APPL1: variants seen among roughly 807,000 people sequenced by gnomAD.
APPL1 encodes adaptor protein, phosphotyrosine interacting with PH domain and leucine zipper 1.
APPL1 carries 42 observed loss-of-function variants against 106.8 expected under a neutral mutation model. That is an observed-to-expected ratio of 0.39 (90% confidence interval 0.31 to 0.51). The LOEUF (loss-of-function observed/expected upper bound fraction) is 0.51. APPL1 is among the 20% of genes least tolerant of loss of function. The pLI is 0.75. For missense variants in APPL1, 769 were observed against 858.2 expected (o/e 0.90, Z 1.30); for synonymous variants, 263 against 281.8 (o/e 0.93, Z 0.67).
In APPL1 at chr3:57,272,419, A is replaced by G. The variant is rs537728258; in HGVS notation, c.*2732A>G. 2.6e-5 allele frequency: 4 copies of G among 152,304 alleles called. No homozygotes were observed. Among genetic ancestry groups the G allele is most frequent in the Non-Finnish European group, 5.9e-5 (4 of 68,020 alleles). The allele number at this position is 152,304 out of a possible 1,614,324, so 9.4% of individuals were successfully genotyped here. Reference sequence around the variant, plus strand: ...TAGGGGTGGTAAATGTGTTTCCACTATACTTGGGAAAAGGTCAGTAGGATG... The same window carrying G: ...TAGGGGTGGTAAATGTGTTTCCACTGTACTTGGGAAAAGGTCAGTAGGATG... On this transcript the variant is annotated 3_prime_UTR_variant, in exon 22 of 22. Transcript: ENST00000288266.
At chr3:57,235,992 A>G (rs1001207118) in intron 2 of APPL1, among the ~76,000 whole-genome samples, 6 of 150,280 alleles carry the variant, frequency 4.0e-5, no homozygotes, top group Non-Finnish European at 8.9e-5. Context: ...CATCACTGGT[A>G]TTTTCCCTAA....
intron 3 of APPL1, among the ~76,000 whole-genome samples, 192 bp from the exon 4 acceptor site, chr3:57,237,853 C>T (rs1400434847): frequency 6.6e-6 from 1 of 152,090 alleles, no homozygotes; most frequent in Non-Finnish European, 1.5e-5. Flanking sequence ...TCCAATATGC[C>T]ATGTCAATTG....
rs2060955668 is a variant in APPL1 at position 57,273,015 on chromosome 3, T to TTACTC, written c.*3330_*3334dup. 1 of 152,668 alleles carries TTACTC rather than the reference T, an allele frequency of 6.6e-6. No individual in the cohort carries two copies. The highest frequency in any genetic ancestry group is 6.5e-5 in the Admixed American group (1 of 15,280). 9.5% of individuals were successfully genotyped at this position (152,668 alleles called of 1,614,324 possible). On this transcript the variant is annotated 3_prime_UTR_variant, in exon 22 of 22. Transcript: ENST00000288266. ...ACCCTTTATTTTTAGCAAGTTTGGT[T>TTACTC]TACTCTTCTCCCATGAGATTTTGTC...
chr3:57,242,208 G>T, intron 6 of APPL1, 66 bp downstream of exon 6: 1 of 1,207,458 alleles, frequency 8.3e-7, no homozygotes, highest in Non-Finnish European at 1.2e-6. Flanking sequence ...GCATATCTGT[G>T]GCCAGATTCT....
chr3:57,267,068 C>T (rs2060898296), intron 19 of APPL1, among the ~76,000 whole-genome samples: 1 of 152,112 alleles, frequency 6.6e-6, no homozygotes, highest in African/African-American at 2.4e-5. Context: ...ATTGCTTTGG[C>T]TATTTGCATT....
Position 57,267,820 on chromosome 3 carries a change from A to G in APPL1, c.1893+28A>G, listed in dbSNP as rs1474095489. On this transcript the variant is annotated intron_variant, in intron 20 of 21. Transcript: ENST00000288266. ...AAGAATCCAAGATGTGGCTGGGCACAGTGGTTCACACCTGTAATCGCAGCA... is the reference window on the plus strand; with the variant it reads ...AAGAATCCAAGATGTGGCTGGGCACGGTGGTTCACACCTGTAATCGCAGCA... 8 of 1,611,604 alleles carry G rather than the reference A, an allele frequency of 5.0e-6. No homozygotes were observed. In the African/African-American group the frequency reaches 5.3e-5, roughly 11 times the overall value.
rs1386839723 is a variant in APPL1 at position 57,271,343 on chromosome 3, A to AAAACATACAG, written c.*1657_*1666dup. 6.6e-6 allele frequency: 1 copy of AAAACATACAG among 152,646 alleles called. No homozygotes were observed. Among genetic ancestry groups the AAAACATACAG allele is most frequent in the Non-Finnish European group, 1.5e-5 (1 of 68,042 alleles). 9.5% of individuals were successfully genotyped at this position (152,646 alleles called of 1,614,324 possible). Reference sequence around the variant, plus strand: ...TTATTTACTGATGCTTTATGTTACCAAAACATACAGTAAAAAAGTAGAAAT... The same window carrying AAAACATACAG: ...TTATTTACTGATGCTTTATGTTACCAAAACATACAGAAACATACAGTAAAAAAGTAGAAAT... On this transcript the variant is annotated 3_prime_UTR_variant, in exon 22 of 22. Transcript: ENST00000288266.
At chr3:57,269,261 G>C (rs941949256) in intron 21 of APPL1, 9 of 314,368 alleles carry the variant, frequency 2.9e-5, no homozygotes, top group Admixed American at 4.5e-5. Context: ...ATAATATATA[G>C]TGAGAGATGA....
Position 57,272,301 on chromosome 3 carries a change from T to TATC in APPL1, c.*2615_*2617dup, listed in dbSNP as rs1383754999. ...CTTGCCAACCAGGGATTAAAGCTATTATCTTGAACAGAGTCCCTAAAGCTA... is the reference window on the plus strand; with the variant it reads ...CTTGCCAACCAGGGATTAAAGCTATTATCATCTTGAACAGAGTCCCTAAAGCTA... On this transcript the variant is annotated 3_prime_UTR_variant, in exon 22 of 22. Coordinates refer to ENST00000288266, the MANE Select transcript of APPL1 (RefSeq NM_012096.3). The TATC allele has an allele frequency of 8.5e-5, 13 of 152,322 alleles. 1 individual carries two copies. Among genetic ancestry groups the TATC allele is most frequent in the Admixed American group, 2.6e-4 (4 of 15,304 alleles). 9.4% of individuals were successfully genotyped at this position (152,322 alleles called of 1,614,324 possible).
intron 2 of APPL1, 93 bp from the exon 3 acceptor site, chr3:57,237,399 A>G: frequency 1.2e-6 from 1 of 861,052 alleles, no homozygotes; most frequent in Non-Finnish European, 1.8e-6. Context: ...TACAATATTT[A>G]TGTTAAGTGA....
intron 13 of APPL1, 78 bp from the exon 14 acceptor site, chr3:57,256,879 A>C (rs1010548229): frequency 3.0e-5 from 34 of 1,120,888 alleles, no homozygotes; most frequent in Admixed American, 3.6e-5. Context: ...GAAGCATTCT[A>C]ACAATTCAGA....
rs1329295989 is a variant in APPL1, at chr3:57,270,079, A to T, written c.*392A>T. 6.4e-6 allele frequency: 1 copy of T among 155,972 alleles called. No homozygotes were observed. The highest frequency in any genetic ancestry group is 1.4e-5 in the Non-Finnish European group (1 of 70,330). 9.7% of individuals were successfully genotyped at this position (155,972 alleles called of 1,614,324 possible). A position where few individuals can be genotyped will look rare whatever the true frequency, so the allele number is the denominator to read the frequency against. ...TGGATATGCTTTTCTTTCATTAGGA[A>T]CATTTTGCTGGTGATGAGGAAGCAT... On this transcript the variant is annotated 3_prime_UTR_variant, in exon 22 of 22. Transcript: ENST00000288266.
rs977279844 is a variant in APPL1 at position 57,227,878 on chromosome 3, G to A, written c.-6G>A. 6.8e-6 allele frequency: 10 copies of A among 1,463,530 alleles called. No homozygotes were observed. Among genetic ancestry groups the A allele is most frequent in the Non-Finnish European group, 9.0e-6 (10 of 1,105,302 alleles). 90.7% of individuals were successfully genotyped at this position (1,463,530 alleles called of 1,614,324 possible). The stretch of plus-strand genomic sequence containing the variant: ...CGTCTCCTGCCACCGCCCTCCCTCC[G>A]CCACGATGCCGGGGATCGACAAGCT... On this transcript the variant is annotated 5_prime_UTR_variant, in exon 1 of 22. Transcript: ENST00000288266.
At chr3:57,230,252 C>A (rs2060679922) in intron 1 of APPL1, among the ~76,000 whole-genome samples, 1 of 152,174 alleles carries the variant, frequency 6.6e-6, no homozygotes, top group African/African-American at 2.4e-5. Context: ...TGCTTTAGGG[C>A]AAATCATTCA....
At chr3:57,252,462 T>C in intron 12 of APPL1, 151 bp downstream of exon 12, 1 of 608,420 alleles carries the variant, frequency 1.6e-6, no homozygotes, top group Admixed American at 3.3e-5. Context: ...TAAAAGTCTA[T>C]TGTCCTCGAG....
At position 57,246,102 on chromosome 3, in the gene APPL1, G is replaced by A; in HGVS notation, c.501G>A (p.Val167=). The change falls in exon 8 of 22, where the codon GTG becomes GTA. Residue 167 remains valine (V), a synonymous_variant. Coordinates refer to ENST00000288266, the MANE Select transcript of APPL1 (RefSeq NM_012096.3). The part of the protein sequence containing the change: ...DKVKYEVTED[V]YTSRKKQHQT... Reference sequence around the variant, plus strand: ...TGAAGTATGAAGTAACAGAAGATGTGTACACATCCAGAAAGAAACAACACC... The same window carrying A: ...TGAAGTATGAAGTAACAGAAGATGTATACACATCCAGAAAGAAACAACACC... 1 of 1,608,954 alleles carries A rather than the reference G, an allele frequency of 6.2e-7. No homozygotes were observed. Among genetic ancestry groups the A allele is most frequent in the Non-Finnish European group, 8.5e-7 (1 of 1,177,650 alleles).
intron 7 of APPL1, among the ~76,000 whole-genome samples, chr3:57,243,654 T>G (rs1476041863): frequency 2.6e-5 from 4 of 152,226 alleles, no homozygotes; most frequent in African/African-American, 9.6e-5. Context: ...ACACAAAGTT[T>G]AGTACAAAGA....
intron 15 of APPL1, among the ~76,000 whole-genome samples, chr3:57,258,183 G>A (rs1191420229): frequency 1.3e-5 from 2 of 151,828 alleles, no homozygotes. Flanking sequence ...TTTGAGATGG[G>A]GTCTCACTCT....
intron 3 of APPL1, among the ~76,000 whole-genome samples, chr3:57,237,756 A>C (rs1458237814): frequency 1.3e-5 from 2 of 152,212 alleles, no homozygotes; most frequent in African/African-American, 4.8e-5. Context: ...TTACAAATGA[A>C]GAAGCTGTGA....
Sources: allele counts gnomAD v4.1 joint callset (sites outside exome capture counted in the v4.1 genomes callset), GRCh38; gene constraint gnomAD v4.1.1; transcripts MANE v1.5; gene names NCBI Gene and HGNC (gene_info 2026-07-23, HGNC 2026-07-21).